Variants in PRSS12 observed in about 807,000 individuals in gnomAD.
The protein encoded by PRSS12 is serine protease 12.
A neutral mutation model predicts 104.4 loss-of-function variants in PRSS12; 85 were observed. The observed-to-expected ratio is 0.81, with a 90% CI of 0.68 to 0.98. The LOEUF is 0.98. PRSS12 is among the 50% of genes least tolerant of loss of function. The pLI, the probability that PRSS12 is intolerant of heterozygous loss-of-function variation, is 0.00. For missense variants in PRSS12, 1,141 were observed against 1,139.2 expected (o/e 1.00, Z -0.02); for synonymous variants, 454 against 425.2 (o/e 1.07, Z -0.83).
chr4:118,331,552 G>A (rs1723917691), intron 4 of PRSS12, among the ~76,000 whole-genome samples, 164 bp downstream of exon 4: 1 of 152,132 alleles, frequency 6.6e-6, no homozygotes, highest in Non-Finnish European at 1.5e-5. Context: ...CAGAGTACAC[G>A]TTAACTGCTC....
In PRSS12 at chr4:118,352,587, TA is replaced by T. The variant is rs1560791731; in HGVS notation, c.133del (p.Tyr45IlefsTer58). ...HSPPAGPHYP[Y>X]YLPTQQRPPR... is the part of the protein sequence containing the mutation. ...GGGCCGCTGCTGGGTGGGAAGGTAA[TA>T]GGGGTAGTGCGGACCCGCAGGGGGC... is the stretch of plus-strand genomic sequence containing the variant. On this transcript the variant is annotated frameshift_variant, in exon 1 of 13. Transcript: ENST00000296498. LOFTEE classifies it high-confidence loss of function. 1 of 1,598,706 alleles carries T rather than the reference TA, an allele frequency of 6.3e-7. No homozygotes were observed. Among genetic ancestry groups the T allele is most frequent in the East Asian group, 2.3e-5 (1 of 43,942 alleles).
chr4:118,311,427 T>C (rs527596585), intron 7 of PRSS12, among the ~76,000 whole-genome samples: 6 of 152,330 alleles, frequency 3.9e-5, no homozygotes, highest in Admixed American at 2.0e-4. Context: ...GAGCTCATCA[T>C]TGCAGTGCCA....
intron 8 of PRSS12, among the ~76,000 whole-genome samples, chr4:118,307,856 A>G (rs1478823200): frequency 1.3e-5 from 2 of 152,130 alleles, no homozygotes; most frequent in Non-Finnish European, 2.9e-5. Flanking sequence ...AATGGGGGCC[A>G]TTTTAAACAG....
At chr4:118,302,426 T>C (rs896639978) in intron 8 of PRSS12, among the ~76,000 whole-genome samples, 1 of 152,210 alleles carries the variant, frequency 6.6e-6, no homozygotes, top group South Asian at 2.1e-4. Context: ...CAACAATTCA[T>C]GTAATTCAGA....
intron 8 of PRSS12, among the ~76,000 whole-genome samples, chr4:118,306,640 G>A (rs1227290183): frequency 2.0e-5 from 3 of 152,092 alleles, no homozygotes; most frequent in Non-Finnish European, 2.9e-5. Flanking sequence ...TGAGGGATCT[G>A]CCCCCATGAT....
chr4:118,348,944 G>A (rs112223512), intron 1 of PRSS12, among the ~76,000 whole-genome samples: 4 of 152,088 alleles, frequency 2.6e-5, no homozygotes, highest in African/African-American at 7.2e-5. Context: ...CAGCTACCGC[G>A]CCCAGCCCTA....
chr4:118,290,308 C>T (rs931932126), intron 11 of PRSS12, among the ~76,000 whole-genome samples: 3 of 152,138 alleles, frequency 2.0e-5, no homozygotes, highest in Admixed American at 6.5e-5. Flanking sequence ...GAGCAATCTT[C>T]CTACTTTAAT....
rs1311463456 is a variant in PRSS12, at chr4:118,280,883, C to G, written c.*1053G>C. The G allele has an allele frequency of 6.6e-6, 1 of 152,326 alleles. No individual in the cohort carries two copies. Among genetic ancestry groups the G allele is most frequent in the South Asian group, 2.1e-4 (1 of 4,832 alleles). The allele number at this position is 152,326 out of a possible 1,614,324, so 9.4% of individuals were successfully genotyped here. The stretch of plus-strand genomic sequence containing the variant: ...AAGCCTGTTTTCCCCCATTTGAAAA[C>G]AAGGGCTACTACCATAAGATTTACT... On this transcript the variant is annotated 3_prime_UTR_variant, in exon 13 of 13. Coordinates refer to ENST00000296498, the MANE Select transcript of PRSS12 (RefSeq NM_003619.4).
At chr4:118,308,635 A>C in intron 7 of PRSS12, 58 bp from the exon 8 acceptor site, 1 of 1,482,138 alleles carries the variant, frequency 6.7e-7, no homozygotes, top group Non-Finnish European at 9.4e-7. Flanking sequence ...ATTCTAAAGC[A>C]TGAGCGACTC....
intron 8 of PRSS12, among the ~76,000 whole-genome samples, chr4:118,307,849 G>A (rs149712778): frequency 6.6e-6 from 1 of 152,112 alleles, no homozygotes; most frequent in East Asian, 1.9e-4. Context: ...TACTATAAAT[G>A]GGGGCCATTT....
intron 11 of PRSS12, among the ~76,000 whole-genome samples, chr4:118,291,889 A>C (rs1024872003): frequency 3.9e-5 from 6 of 152,146 alleles, no homozygotes; most frequent in African/African-American, 1.4e-4. Flanking sequence ...CCTGGAACTA[A>C]AGGCAGCATT....
intron 10 of PRSS12, among the ~76,000 whole-genome samples, chr4:118,295,432 CAAAA>C (rs1193119528): frequency 6.6e-6 from 1 of 152,136 alleles, no homozygotes; most frequent in African/African-American, 2.4e-5. Context: ...ATTCTACAAA[CAAAA>C]AACTTAGATT....
chr4:118,321,998 C>G (rs1723639071), intron 4 of PRSS12, among the ~76,000 whole-genome samples: 1 of 152,020 alleles, frequency 6.6e-6, no homozygotes, highest in Admixed American at 6.6e-5. Context: ...TTCAGATTTT[C>G]CTGTGGTAGA....
chr4:118,351,309 CAA>C (rs977276935), intron 1 of PRSS12, among the ~76,000 whole-genome samples: 1 of 151,518 alleles, frequency 6.6e-6, no homozygotes, highest in African/African-American at 2.4e-5. Context: ...AAAAGAAATT[CAA>C]ACTTTGAGGA....
intron 1 of PRSS12, among the ~76,000 whole-genome samples, chr4:118,339,689 T>C (rs1724151592): frequency 6.6e-6 from 1 of 152,194 alleles, no homozygotes. Flanking sequence ...TAATTCACAG[T>C]AAGCAAGAGG....
At chr4:118,336,329 TG>T (rs1724064513) in intron 2 of PRSS12, among the ~76,000 whole-genome samples, 1 of 152,206 alleles carries the variant, frequency 6.6e-6, no homozygotes, top group Non-Finnish European at 1.5e-5. Flanking sequence ...AGACGGGTTC[TG>T]CTTTTAGCTC....
Position 118,280,236 on chromosome 4 carries a change from C to CA in PRSS12, c.*1699dup, listed in dbSNP as rs1272922273. 1.3e-5 allele frequency: 2 copies of CA among 152,206 alleles called. No homozygotes were observed. The highest frequency in any genetic ancestry group is 4.8e-5 in the African/African-American group (2 of 41,452). The allele number at this position is 152,206 out of a possible 1,614,324, so 9.4% of individuals were successfully genotyped here. Reference sequence around the variant, plus strand: ...TTGAAACAGATGTTGCTTGCCCCAACACTAGTTTAATTATAAGGGCAGCCT... The same window carrying CA: ...TTGAAACAGATGTTGCTTGCCCCAACAACTAGTTTAATTATAAGGGCAGCCT... On this transcript the variant is annotated 3_prime_UTR_variant, in exon 13 of 13. Coordinates refer to ENST00000296498, the MANE Select transcript of PRSS12 (RefSeq NM_003619.4).
chr4:118,336,572 T>A (rs1212231356), intron 2 of PRSS12, among the ~76,000 whole-genome samples: 2 of 152,110 alleles, frequency 1.3e-5, no homozygotes, highest in African/African-American at 2.4e-5. Context: ...CTTTTTTTTT[T>A]AAATGGACTA....
intron 1 of PRSS12, among the ~76,000 whole-genome samples, chr4:118,341,071 T>G (rs964029338): frequency 6.6e-6 from 1 of 151,982 alleles, no homozygotes; most frequent in Non-Finnish European, 1.5e-5. Flanking sequence ...GGGAGTTGAG[T>G]AATATTTTTA....
Sources: allele counts gnomAD v4.1 joint callset (sites outside exome capture counted in the v4.1 genomes callset), GRCh38; gene constraint gnomAD v4.1.1; transcripts MANE v1.5; gene names NCBI Gene and HGNC (gene_info 2026-07-23, HGNC 2026-07-21).